Variants in SGCD observed in about 807,000 individuals in gnomAD.
SGCD encodes sarcoglycan delta, also known as delta-sarcoglycan.
A neutral mutation model predicts 36.6 loss-of-function variants in SGCD; 18 were observed. That is an observed-to-expected ratio of 0.49 (90% CI 0.34 to 0.73). The LOEUF is 0.73. Ranked by LOEUF, SGCD falls within the 30% of genes least tolerant of loss-of-function variation. The pLI is 0.01. For missense variants in SGCD, 387 were observed against 346.7 expected (o/e 1.12, Z -0.92); for synonymous variants, 133 against 130.6 (o/e 1.02, Z -0.12).
intron 1 of SGCD, among the ~76,000 whole-genome samples, chr5:156,051,906 T>A (rs897937654): frequency 4.8e-5 from 7 of 145,406 alleles, no homozygotes; most frequent in African/African-American, 1.7e-4. Flanking sequence ...GAATGGGATG[T>A]GAAATGCTGG....
intron 7 of SGCD, among the ~76,000 whole-genome samples, chr5:156,755,057 A>G (rs1007548520): frequency 6.6e-6 from 1 of 152,242 alleles, no homozygotes; most frequent in African/African-American, 2.4e-5. Flanking sequence ...CAACCCTTTC[A>G]TAACCCCCTC....
At chr5:156,577,761 A>G (rs1160072900) in intron 4 of SGCD, among the ~76,000 whole-genome samples, 1 of 152,040 alleles carries the variant, frequency 6.6e-6, no homozygotes, top group Admixed American at 6.6e-5. Context: ...TTTGCTCATT[A>G]ATTTTGTATC....
At chr5:156,340,199 C>G (rs939688024) in intron 2 of SGCD, among the ~76,000 whole-genome samples, 2 of 152,160 alleles carry the variant, frequency 1.3e-5, no homozygotes, top group Admixed American at 1.3e-4. Context: ...GTATTATTGA[C>G]AGTAGAGCAT....
chr5:156,761,123 G>GTGAT lies in SGCD; in HGVS notation c.*1734_*1737dup, dbSNP rs1253775623. 1.3e-5 allele frequency: 2 copies of GTGAT among 152,198 alleles called. No homozygotes were observed. The highest frequency in any genetic ancestry group is 4.8e-5 in the African/African-American group (2 of 41,440). 9.4% of individuals were successfully genotyped at this position (152,198 alleles called of 1,614,324 possible). A position where few individuals can be genotyped will look rare whatever the true frequency, so the allele number is the denominator to read the frequency against. ...TTACTTTACAAGCAAGGGAAGTTTTGTGATAGGAGAGAAATAAAAGATTTG... is the reference window on the plus strand; with the variant it reads ...TTACTTTACAAGCAAGGGAAGTTTTGTGATTGATAGGAGAGAAATAAAAGATTTG... On this transcript the variant is annotated 3_prime_UTR_variant, in exon 9 of 9. Coordinates refer to ENST00000337851, the MANE Select transcript of SGCD (RefSeq NM_000337.6).
At chr5:156,027,571 G>A (rs1446592966) in intron 1 of SGCD, among the ~76,000 whole-genome samples, 1 of 151,960 alleles carries the variant, frequency 6.6e-6, no homozygotes, top group Non-Finnish European at 1.5e-5. Flanking sequence ...GAGGTGGGGT[G>A]GAAAATCATC....
intron 3 of SGCD, among the ~76,000 whole-genome samples, chr5:156,383,948 G>T (rs892226340): frequency 6.6e-6 from 1 of 152,172 alleles, no homozygotes; most frequent in African/African-American, 2.4e-5. Flanking sequence ...AAGATATGGG[G>T]GACTGAGCTT....
intron 1 of SGCD, among the ~76,000 whole-genome samples, chr5:156,011,202 G>A (rs1204411670): frequency 1.3e-5 from 2 of 152,094 alleles, no homozygotes; most frequent in South Asian, 4.1e-4. Flanking sequence ...TAATGGCTCT[G>A]TGTTATTAAA....
At position 155,985,203 on chromosome 5, in the gene SGCD, G is replaced by A. The variant is rs546556120; in HGVS notation, c.-282+114779G>A. On this transcript the variant is annotated intron_variant, in intron 1 of 9. Coordinates refer to the SGCD transcript ENST00000517913. ...AGTCTGGGCATAGGATGGTTCAGCTGGTTCTTTGCTTTGAGTTTCATGAGG... is the reference window on the plus strand; with the variant it reads ...AGTCTGGGCATAGGATGGTTCAGCTAGTTCTTTGCTTTGAGTTTCATGAGG... 2.0e-5 allele frequency among the ~76,000 whole-genome samples: 3 copies of A among 152,310 alleles called. No individual in the cohort carries two copies. In the East Asian group the frequency reaches 5.8e-4, roughly 29 times the overall value.
At chr5:156,734,134 A>C (rs1376152595) in intron 7 of SGCD, among the ~76,000 whole-genome samples, 1 of 152,118 alleles carries the variant, frequency 6.6e-6, no homozygotes, top group Non-Finnish European at 1.5e-5. Flanking sequence ...TTGTCTGAAA[A>C]TGATCTTATT....
At chr5:156,592,539 A>C (rs1174445320) in intron 5 of SGCD, among the ~76,000 whole-genome samples, 2 of 151,882 alleles carry the variant, frequency 1.3e-5, no homozygotes, top group African/African-American at 2.4e-5. Context: ...CTCCTCACAG[A>C]TCTTATTTCC....
chr5:155,889,019 G>A (rs903077767), intron 1 of SGCD, among the ~76,000 whole-genome samples: 3 of 152,058 alleles, frequency 2.0e-5, no homozygotes, highest in East Asian at 1.9e-4. Context: ...TTCTCTCTAC[G>A]CTCATAACAC....
At chr5:156,727,396 C>T (rs1275562226) in intron 7 of SGCD, among the ~76,000 whole-genome samples, 2 of 152,116 alleles carry the variant, frequency 1.3e-5, no homozygotes, top group Non-Finnish European at 2.9e-5. Context: ...TTCAGAAGCC[C>T]AACTAAAATT....
At chr5:155,976,072 A>C (rs1231067750) in intron 1 of SGCD, among the ~76,000 whole-genome samples, 1 of 152,204 alleles carries the variant, frequency 6.6e-6, no homozygotes, top group East Asian at 1.9e-4. Flanking sequence ...CATACAAAAC[A>C]GTACTATATA....
At chr5:156,072,839 C>CT (rs1369089953) in intron 1 of SGCD, among the ~76,000 whole-genome samples, 3 of 152,038 alleles carry the variant, frequency 2.0e-5, no homozygotes, top group Non-Finnish European at 4.4e-5. Flanking sequence ...TCTTTTTGTT[C>CT]TTTTTTCTCT....
intron 2 of SGCD, among the ~76,000 whole-genome samples, chr5:156,332,651 G>A (rs1162934374): frequency 6.6e-6 from 1 of 152,186 alleles, no homozygotes; most frequent in African/African-American, 2.4e-5. Context: ...CTGTTGAGAT[G>A]GTCTAAGTCT....
chr5:156,409,235 T>A (rs1580945447), intron 3 of SGCD, among the ~76,000 whole-genome samples: 1 of 152,144 alleles, frequency 6.6e-6, no homozygotes, highest in African/African-American at 2.4e-5. Flanking sequence ...AAACCCCTTT[T>A]TTCCTTCCTT....
Position 156,716,761 on chromosome 5 carries a change from G to A in SGCD, c.576-40820G>A, listed in dbSNP as rs777491514. Among the ~76,000 whole-genome samples the A allele has an allele frequency of 3.7e-4, 57 of 152,218 alleles. 1 individual carries two copies. The highest frequency in any genetic ancestry group is 5.2e-4 in the Admixed American group (8 of 15,280). ...CCAGCTCCCTTGTCTCTGAGACAGC[G>A]TGTCATGCATGATAGAAACACAGCC... On this transcript the variant is annotated intron_variant, in intron 7 of 8. Transcript: ENST00000337851.
chr5:155,765,018 C>T, the SGCD span, among the ~76,000 whole-genome samples: 1 of 152,022 alleles, frequency 6.6e-6, no homozygotes, highest in African/African-American at 2.4e-5. Flanking sequence ...GTCTAAGATG[C>T]GTGTAATCTC....
Position 156,051,332 on chromosome 5 carries a change from T to C in SGCD, c.-281-66546T>C, listed in dbSNP as rs553657182. 6.8e-5 allele frequency among the ~76,000 whole-genome samples: 10 copies of C among 146,286 alleles called. No homozygotes were observed. In the South Asian group the frequency reaches 1.3e-3, roughly 19 times the overall value. ...GTGACACTGCATTTCTCTTCTTCCATGAATTACTTAAGATTCATAAGTACC... is the reference window on the plus strand; with the variant it reads ...GTGACACTGCATTTCTCTTCTTCCACGAATTACTTAAGATTCATAAGTACC... On this transcript the variant is annotated intron_variant, in intron 1 of 9. Coordinates refer to the SGCD transcript ENST00000517913.
Sources: allele counts gnomAD v4.1 joint callset (sites outside exome capture counted in the v4.1 genomes callset), GRCh38; gene constraint gnomAD v4.1.1; transcripts MANE v1.5; gene names NCBI Gene and HGNC (gene_info 2026-07-23, HGNC 2026-07-21).